Variants in CTDSPL2 observed in about 807,000 individuals in gnomAD.
The protein encoded by CTDSPL2 is CTD small phosphatase-like protein 2.
Under a neutral mutation model 60.0 loss-of-function variants are expected in CTDSPL2, and 5 were observed. The ratio of observed to expected loss-of-function variants is 0.08; its 90% CI spans 0.04 to 0.18. The LOEUF is 0.18. Among genes scored for constraint, CTDSPL2 ranks in the 10% least tolerant of loss-of-function variants. CTDSPL2 has a pLI of 1.00. For synonymous variants in CTDSPL2, 186 were observed against 189.3 expected (o/e 0.98, Z 0.14); for missense variants, 370 against 548.8 (o/e 0.67, Z 3.26).
At chr15:44,476,173 A>G (rs2080912282) in intron 2 of CTDSPL2, among the ~76,000 whole-genome samples, 1 of 151,968 alleles carries the variant, frequency 6.6e-6, no homozygotes. Context: ...GGTTCATGCC[A>G]TTCTCCTGCC....
chr15:44,506,083 G>A (rs2081457832), intron 8 of CTDSPL2, among the ~76,000 whole-genome samples: 1 of 140,830 alleles, frequency 7.1e-6, no homozygotes, highest in East Asian at 2.2e-4. Flanking sequence ...AGGCTGGAGT[G>A]CAATGGCGCT....
chr15:44,497,159 G>T (rs1306945751), intron 7 of CTDSPL2, 21 bp downstream of exon 7: 1 of 1,353,322 alleles, frequency 7.4e-7, no homozygotes, highest in East Asian at 2.3e-5. Flanking sequence ...TATCTGTAGA[G>T]GTAGAGAGAA....
chr15:44,508,336 C>T (rs778476540), intron 8 of CTDSPL2, among the ~76,000 whole-genome samples: 4 of 152,008 alleles, frequency 2.6e-5, no homozygotes, highest in Non-Finnish European at 4.4e-5. Flanking sequence ...CCTTTCACCT[C>T]GGCCTCCCAA....
chr15:44,447,631 T>C (rs2080244885), intron 1 of CTDSPL2: 1 of 154,040 alleles, frequency 6.5e-6, no homozygotes, highest in South Asian at 2.0e-4. Flanking sequence ...CCAGTCATCA[T>C]CTGACAGGCT....
intron 2 of CTDSPL2, among the ~76,000 whole-genome samples, chr15:44,463,868 C>A (rs1368455657): frequency 6.6e-6 from 1 of 152,046 alleles, no homozygotes; most frequent in Non-Finnish European, 1.5e-5. Context: ...GAATATTAAC[C>A]ATCTTTTGAT....
At chr15:44,500,303 A>T (rs1354429778) in intron 8 of CTDSPL2, among the ~76,000 whole-genome samples, 1 of 152,120 alleles carries the variant, frequency 6.6e-6, no homozygotes, top group Non-Finnish European at 1.5e-5. Flanking sequence ...TTATTGTTTT[A>T]CTTAGGGCAT....
At chr15:44,462,474 C>T (rs1189332861) in intron 2 of CTDSPL2, among the ~76,000 whole-genome samples, 1 of 152,064 alleles carries the variant, frequency 6.6e-6, no homozygotes, top group Non-Finnish European at 1.5e-5. Flanking sequence ...ATCAGATTCT[C>T]ATAAGGAGCA....
intron 2 of CTDSPL2, among the ~76,000 whole-genome samples, chr15:44,465,938 C>T (rs2080677936): frequency 6.9e-6 from 1 of 143,972 alleles, no homozygotes; most frequent in African/African-American, 2.7e-5. Context: ...TGGTCTTGAA[C>T]TCTTTTTTTT....
rs575660903 is a variant in CTDSPL2 at position 44,432,650 on chromosome 15, C to T, written c.-25+4878C>T. Among the ~76,000 whole-genome samples the T allele has an allele frequency of 1.6e-4, 23 of 147,422 alleles. No homozygotes were observed. The Middle Eastern group carries it at 0.012, about 78-fold the overall frequency. ...TTATTATTTTTTTGAAACAGAGTCT[C>T]GCTCTGTCTCCCAGGCTGCAGTGCA... On this transcript the variant is annotated intron_variant, in intron 1 of 12. Coordinates refer to ENST00000260327, the MANE Select transcript of CTDSPL2 (RefSeq NM_016396.3).
chr15:44,445,931 C>T (rs146328331), intron 1 of CTDSPL2, among the ~76,000 whole-genome samples: 6,588 of 148,600 alleles, frequency 0.044, 301 homozygotes, highest in East Asian at 0.23. Context: ...GCCACTGTGC[C>T]TGGCCTTTTT....
intron 2 of CTDSPL2, among the ~76,000 whole-genome samples, chr15:44,471,061 A>G (rs1434395166): frequency 6.6e-6 from 1 of 152,184 alleles, no homozygotes; most frequent in Non-Finnish European, 1.5e-5. Context: ...TGAGACAACC[A>G]CTGATCTTTC....
chr15:44,436,014 C>T (rs2079975095), intron 1 of CTDSPL2, among the ~76,000 whole-genome samples: 1 of 152,034 alleles, frequency 6.6e-6, no homozygotes, highest in African/African-American at 2.4e-5. Flanking sequence ...AGTCCTCCTC[C>T]TCCTTTTATA....
chr15:44,523,788 A>G (rs1436680318), intron 12 of CTDSPL2, among the ~76,000 whole-genome samples: 2 of 152,172 alleles, frequency 1.3e-5, no homozygotes, highest in Non-Finnish European at 2.9e-5. Flanking sequence ...AGTCCCAGCT[A>G]CTTTGGAGGC....
intron 8 of CTDSPL2, among the ~76,000 whole-genome samples, chr15:44,512,304 A>T (rs1007782920): frequency 6.6e-6 from 1 of 152,330 alleles, no homozygotes; most frequent in Non-Finnish European, 1.5e-5. Context: ...CTCAACCTGT[A>T]TATGGAGCAA....
rs778409363 is a variant in CTDSPL2, at chr15:44,521,355, T to C, written c.1284T>C (p.Asn428=). Reference sequence around the variant, plus strand: ...TAGAAAGTTGGTTTATGGATAAAAATGACAATGAACTCCTAAAATTGATTC... The same window carrying C: ...TAGAAAGTTGGTTTATGGATAAAAACGACAATGAACTCCTAAAATTGATTC... ...IPIESWFMDK[N]DNELLKLIPF... The change falls in exon 12 of 13, where the codon AAT becomes AAC. Residue 428 remains asparagine (N), a synonymous_variant. Coordinates refer to ENST00000260327, the MANE Select transcript of CTDSPL2 (RefSeq NM_016396.3). 2.5e-6 allele frequency: 4 copies of C among 1,592,422 alleles called. No homozygotes were observed. Among genetic ancestry groups the C allele is most frequent in the Admixed American group, 3.4e-5 (2 of 59,330 alleles).
intron 2 of CTDSPL2, among the ~76,000 whole-genome samples, chr15:44,463,389 A>G (rs1318808061): frequency 6.6e-6 from 1 of 151,986 alleles, no homozygotes; most frequent in African/African-American, 2.4e-5. Flanking sequence ...TGATCTGCCC[A>G]CCTCAGCCTC....
At chr15:44,456,498 A>T (rs1300326999) in intron 1 of CTDSPL2, among the ~76,000 whole-genome samples, 2 of 152,056 alleles carry the variant, frequency 1.3e-5, no homozygotes, top group Non-Finnish European at 2.9e-5. Context: ...GAATTTATCC[A>T]TTTCTTCTAG....
At chr15:44,436,032 CT>C (rs2079975750) in intron 1 of CTDSPL2, among the ~76,000 whole-genome samples, 1 of 152,030 alleles carries the variant, frequency 6.6e-6, no homozygotes, top group Admixed American at 6.6e-5. Context: ...ATAATGAAGG[CT>C]TATGGAAGTA....
chr15:44,469,759 ATCT>A (rs2080767005), intron 2 of CTDSPL2, among the ~76,000 whole-genome samples: 1 of 152,184 alleles, frequency 6.6e-6, no homozygotes, highest in African/African-American at 2.4e-5. Flanking sequence ...AATTTTCTAT[ATCT>A]TCTTTTAAAG....
Sources: allele counts gnomAD v4.1 joint callset (sites outside exome capture counted in the v4.1 genomes callset), GRCh38; gene constraint gnomAD v4.1.1; transcripts MANE v1.5; gene names NCBI Gene and HGNC (gene_info 2026-07-23, HGNC 2026-07-21).